ATG2B: variants seen among roughly 807,000 people sequenced by gnomAD.
ATG2B encodes autophagy related 2B, also known as autophagy-related protein 2 homolog B.
A neutral mutation model predicts 241.3 loss-of-function variants in ATG2B; 121 were observed. The ratio of observed to expected loss-of-function variants is 0.50; its 90% CI spans 0.43 to 0.58. ATG2B has a LOEUF of 0.58. Ranked by LOEUF, ATG2B falls within the 20% of genes least tolerant of loss-of-function variation. The pLI is 0.00. For synonymous variants in ATG2B, 858 were observed against 876.6 expected (o/e 0.98, Z 0.37); for missense variants, 2,306 against 2,491.6 (o/e 0.93, Z 1.59).
rs1886427532 is a variant in ATG2B at position 96,289,587 on chromosome 14, T to C, written c.6006+69A>G. ...TACAGAATACATTTAAGCCATTAAATGCTCTTTAGGTGAAAGTTGGGAAAG... is the reference window on the plus strand; with the variant it reads ...TACAGAATACATTTAAGCCATTAAACGCTCTTTAGGTGAAAGTTGGGAAAG... On this transcript the variant is annotated intron_variant, in intron 41 of 41. Transcript: ENST00000359933. This position sits in a 1 kb window ranked among gnomAD's most constrained non-coding sequence, Gnocchi z 4.3. The C allele has an allele frequency of 6.4e-7, 1 of 1,564,520 alleles. No homozygotes were observed. The highest frequency in any genetic ancestry group is 1.4e-5 in the African/African-American group (1 of 73,196).
intron 15 of ATG2B, among the ~76,000 whole-genome samples, chr14:96,324,411 C>T (rs75544157): frequency 0.042 from 6,389 of 152,156 alleles, 389 homozygotes; most frequent in African/African-American, 0.13. Context: ...ACGGGCTGGG[C>T]GCGGTGACTC....
intron 7 of ATG2B, 102 bp from the exon 8 acceptor site, chr14:96,333,975 AC>A: frequency 1.0e-6 from 1 of 952,840 alleles, no homozygotes; most frequent in South Asian, 1.4e-5. Context: ...GCAACTTAAC[AC>A]CACAGTGCAA....
chr14:96,289,830 A>T lies in ATG2B; in HGVS notation c.5857-25T>A. On this transcript the variant is annotated intron_variant, in intron 40 of 41. Transcript: ENST00000359933. The surrounding 1 kb of genome is among the most constrained non-coding windows in gnomAD (Gnocchi z 4.3). The stretch of plus-strand genomic sequence containing the variant: ...CCTGGATCATTTTGTCAAAAGGAAG[A>T]AATGAATTAGAAGAAAGTCTGAAGA... 6.2e-7 allele frequency: 1 copy of T among 1,613,334 alleles called. No homozygotes were observed. Among genetic ancestry groups the T allele is most frequent in the Non-Finnish European group, 8.5e-7 (1 of 1,179,528 alleles).
intron 1 of ATG2B, among the ~76,000 whole-genome samples, chr14:96,355,919 C>G (rs1471508634): frequency 6.6e-6 from 1 of 152,066 alleles, no homozygotes; most frequent in East Asian, 1.9e-4. Flanking sequence ...CACCTGTAAT[C>G]CCAGCACTTT....
intron 29 of ATG2B, among the ~76,000 whole-genome samples, chr14:96,307,313 A>G (rs1886977809): frequency 6.6e-6 from 1 of 152,066 alleles, no homozygotes; most frequent in Non-Finnish European, 1.5e-5. Context: ...TGGGAGGCCG[A>G]GGTAGGAGAA....
At chr14:96,358,927 C>A (rs973607990) in intron 1 of ATG2B, among the ~76,000 whole-genome samples, 2 of 152,074 alleles carry the variant, frequency 1.3e-5, no homozygotes, top group Admixed American at 1.3e-4. Context: ...ATGAGTTTCA[C>A]GCATATAAAC....
In ATG2B at chr14:96,295,099, T is replaced by C. The variant is rs780573672; in HGVS notation, c.5287A>G (p.Asn1763Asp). 23 of 1,614,196 alleles carry C rather than the reference T, an allele frequency of 1.4e-5. No homozygotes were observed. The highest frequency in any genetic ancestry group is 1.9e-5 in the Non-Finnish European group (23 of 1,180,040). The change falls in exon 36 of 42, where the codon AAT becomes GAT. Residue 1763 changes from asparagine to aspartate, a missense_variant. Around this residue, in one of 2 missense-constraint regions of ATG2B, gnomAD observed 379 missense variants for 480.4 expected, o/e 0.79. Coordinates refer to ENST00000359933, the MANE Select transcript of ATG2B (RefSeq NM_018036.7). ...PRHLSTSKEP[N>D]LVISFSGPKQ... ...GGCCCAGAGAAAGAAATAACCAGATTTGGCTCCTTTGAGGTACTCAAATGC... is the reference window on the plus strand; with the variant it reads ...GGCCCAGAGAAAGAAATAACCAGATCTGGCTCCTTTGAGGTACTCAAATGC...
chr14:96,331,519 C>T lies in ATG2B; in HGVS notation c.1587G>A (p.Thr529=), dbSNP rs752508004. The T allele has an allele frequency of 1.5e-5, 24 of 1,613,932 alleles. No individual in the cohort carries two copies. The highest frequency in any genetic ancestry group is 7.7e-5 in the South Asian group (7 of 91,068). Reference sequence around the variant, plus strand: ...GTGTCAATGGATTAAGGTTCTGTGACGTTTCAGGTGGAGATAAAGGATCAA... The same window carrying T: ...GTGTCAATGGATTAAGGTTCTGTGATGTTTCAGGTGGAGATAAAGGATCAA... ...LHIDPLSPPE[T]SQNLNPLTPM... Residue 529 remains threonine (T), a synonymous_variant, in exon 11 of 42, where the codon ACG becomes ACA. Coordinates refer to ENST00000359933, the MANE Select transcript of ATG2B (RefSeq NM_018036.7).
intron 30 of ATG2B, 65 bp downstream of exon 30, chr14:96,306,649 G>C: frequency 1.4e-6 from 2 of 1,379,984 alleles, no homozygotes; most frequent in Non-Finnish European, 2.0e-6. Context: ...ATTTTCTCCA[G>C]GTACCCTTTG....
At position 96,331,575 on chromosome 14, in the gene ATG2B, CAGCT is replaced by C. The variant is rs778604010; in HGVS notation, c.1527_1530del (p.Ala510TrpfsTer26). ...AGCACAGAGATTGAAAAAGTTCCCA[CAGCT>C]AGTCTAAAAATAAGTTCAGGCCTTG... On this transcript the variant is annotated frameshift_variant, in exon 11 of 42. Coordinates refer to ENST00000359933, the MANE Select transcript of ATG2B (RefSeq NM_018036.7). LOFTEE classifies it high-confidence loss of function. The C allele has an allele frequency of 6.2e-7, 1 of 1,613,920 alleles. No individual in the cohort carries two copies. The highest frequency in any genetic ancestry group is 2.2e-5 in the East Asian group (1 of 44,874).
At chr14:96,347,798 G>A (rs994952823) in intron 1 of ATG2B, among the ~76,000 whole-genome samples, 3 of 152,186 alleles carry the variant, frequency 2.0e-5, no homozygotes, top group African/African-American at 4.8e-5. Flanking sequence ...TCTCACTACA[G>A]TTAAAATGGC....
At chr14:96,330,457 G>A (rs1014185895) in intron 11 of ATG2B, among the ~76,000 whole-genome samples, 2 of 152,010 alleles carry the variant, frequency 1.3e-5, no homozygotes, top group Non-Finnish European at 2.9e-5. Context: ...TTGTAAAACA[G>A]AGTTTGCATG....
chr14:96,308,248 A>ATG (rs1566719700), intron 29 of ATG2B, among the ~76,000 whole-genome samples: 12 of 14,564 alleles, frequency 8.2e-4, no homozygotes, highest in Non-Finnish European at 2.2e-3. Flanking sequence ...ATATATATAT[A>ATG]TATACACACA....
At chr14:96,342,915 T>G (rs758481982) in intron 5 of ATG2B, among the ~76,000 whole-genome samples, 3 of 152,112 alleles carry the variant, frequency 2.0e-5, no homozygotes, top group African/African-American at 4.8e-5. Context: ...TCTTTCAAAC[T>G]AATACACAGC....
intron 17 of ATG2B, 123 bp from the exon 18 acceptor site, chr14:96,322,377 G>A: frequency 7.5e-7 from 1 of 1,339,482 alleles, no homozygotes; most frequent in Non-Finnish European, 1.0e-6. Context: ...CATTTAACTA[G>A]AGAAAATATA....
At chr14:96,361,318 T>G (rs559352623) in intron 1 of ATG2B, among the ~76,000 whole-genome samples, 1 of 152,222 alleles carries the variant, frequency 6.6e-6, no homozygotes, top group African/African-American at 2.4e-5. Flanking sequence ...TGCCTTTCTT[T>G]TGATCTTAGG....
chr14:96,352,773 C>T (rs1352959502), intron 1 of ATG2B, among the ~76,000 whole-genome samples: 2 of 151,342 alleles, frequency 1.3e-5, no homozygotes, highest in East Asian at 3.9e-4. Flanking sequence ...TTACTGTAAC[C>T]TCAGGTTAAC....
At chr14:96,314,884 A>G (rs933586734) in intron 23 of ATG2B, among the ~76,000 whole-genome samples, 2 of 152,210 alleles carry the variant, frequency 1.3e-5, no homozygotes, top group South Asian at 4.1e-4. Flanking sequence ...TATTTTTAGT[A>G]GAGACGGGAT....
rs1226323276 is a variant in ATG2B at position 96,290,997 on chromosome 14, T to C, written c.5580-62A>G. On this transcript the variant is annotated intron_variant, in intron 38 of 41. Coordinates refer to ENST00000359933, the MANE Select transcript of ATG2B (RefSeq NM_018036.7). This position sits in a 1 kb window ranked among gnomAD's most constrained non-coding sequence, Gnocchi z 4.4. ...ATACATTTATAGACACAGATTAGTT[T>C]GAGGGTTTTTTTTTACTTAAAACAA... The C allele has an allele frequency of 7.0e-7, 1 of 1,421,286 alleles. No individual in the cohort carries two copies. The highest frequency in any genetic ancestry group is 9.4e-7 in the Non-Finnish European group (1 of 1,066,770). The allele number at this position is 1,421,286 out of a possible 1,614,324, so 88.0% of individuals were successfully genotyped here. A position where few individuals can be genotyped will look rare whatever the true frequency, so the allele number is the denominator to read the frequency against.
Sources: gnomAD v4.1 joint callset for allele counts (sites outside exome capture counted in the v4.1 genomes callset) on GRCh38, gnomAD v4.1.1 for gene constraint, gnomAD v4.1.1 regional missense constraint, Gnocchi (gnomAD v3.1) non-coding constraint, MANE v1.5 for transcripts, NCBI Gene and HGNC (gene_info 2026-07-23, HGNC 2026-07-21) for gene names.